Variants in SPIDR observed in about 807,000 individuals in gnomAD.
The protein encoded by SPIDR is scaffold protein involved in DNA repair.
SPIDR carries 93 observed loss-of-function variants against 104.6 expected under a neutral mutation model. That is an observed-to-expected ratio of 0.89 (90% CI 0.75 to 1.06). The LOEUF is 1.06. SPIDR is among the 50% of genes least tolerant of loss of function. The pLI, the probability that SPIDR is intolerant of heterozygous loss-of-function variation, is 0.00. For synonymous variants in SPIDR, 431 were observed against 416.9 expected, an observed-to-expected ratio of 1.03 and a Z score of -0.41; for missense variants, 1,154 against 1,111.2, an observed-to-expected ratio of 1.04 and a Z score of -0.55.
In SPIDR at chr8:47,324,872, C is replaced by A. The variant is rs117777548; in HGVS notation, c.525+30842C>A. Among the ~76,000 whole-genome samples, 39 of 152,228 alleles carry A rather than the reference C, an allele frequency of 2.6e-4. No homozygotes were observed. The East Asian group carries it at 7.5e-3, about 29-fold the overall frequency. ...CTCACAGTCCTAGAGGCTGGAAGATCGTCTGGGACAAGTCCAGGTGCTGGC... is the reference window on the plus strand; with the variant it reads ...CTCACAGTCCTAGAGGCTGGAAGATAGTCTGGGACAAGTCCAGGTGCTGGC... On this transcript the variant is annotated intron_variant, in intron 5 of 19. Coordinates refer to ENST00000297423, the MANE Select transcript of SPIDR (RefSeq NM_001080394.4).
intron 14 of SPIDR, among the ~76,000 whole-genome samples, chr8:47,708,345 A>G (rs2154486537): frequency 6.6e-6 from 1 of 152,334 alleles, no homozygotes; most frequent in South Asian, 2.1e-4. Context: ...ACACAGGGCT[A>G]TAAAAATTTT....
intron 5 of SPIDR, among the ~76,000 whole-genome samples, chr8:47,391,611 C>G (rs1215195064): frequency 6.6e-6 from 1 of 152,024 alleles, no homozygotes; most frequent in African/African-American, 2.4e-5. Context: ...AGGATTTGCT[C>G]TGTGGGTTAA....
intron 5 of SPIDR, among the ~76,000 whole-genome samples, chr8:47,316,463 C>T (rs963799687): frequency 6.6e-6 from 1 of 152,048 alleles, no homozygotes; most frequent in Admixed American, 6.6e-5. Flanking sequence ...GCTCATATAC[C>T]CACCAGTTGG....
intron 5 of SPIDR, among the ~76,000 whole-genome samples, chr8:47,389,679 A>G (rs1414856368): frequency 8.6e-6 from 1 of 116,616 alleles, no homozygotes; most frequent in East Asian, 2.3e-4. Flanking sequence ...ACAGAGCAAG[A>G]CTCCATCTCA....
intron 9 of SPIDR, among the ~76,000 whole-genome samples, chr8:47,597,358 C>T (rs191594514): frequency 6.6e-6 from 1 of 152,140 alleles, no homozygotes; most frequent in Non-Finnish European, 1.5e-5. Context: ...TAATGCTATC[C>T]CTACCCCTTT....
chr8:47,677,903 G>A (rs1465329452), intron 11 of SPIDR, among the ~76,000 whole-genome samples: 1 of 152,100 alleles, frequency 6.6e-6, no homozygotes, highest in Non-Finnish European at 1.5e-5. Context: ...AAGTAAGAGG[G>A]TTTATTCAAG....
Position 47,394,067 on chromosome 8 carries a change from G to A in SPIDR, c.526-2309G>A, listed in dbSNP as rs138228190. ...GACTACAGGTGTGTGCCACCACACC[G>A]GGCTAATTTTTGTATTTTTAGTAGA... On this transcript the variant is annotated intron_variant, in intron 5 of 19. Transcript: ENST00000297423. Among the ~76,000 whole-genome samples, 469 of 151,998 alleles carry A rather than the reference G, an allele frequency of 3.1e-3. 1 individual carries two copies. The highest frequency in any genetic ancestry group is 0.011 in the African/African-American group (452 of 41,466).
chr8:47,310,884 G>C (rs1246084660), intron 5 of SPIDR, among the ~76,000 whole-genome samples: 1 of 151,962 alleles, frequency 6.6e-6, no homozygotes, highest in African/African-American at 2.4e-5. Context: ...ATCAAATCCA[G>C]AGTTTCTAAA....
In SPIDR at chr8:47,518,660, G is replaced by A. The variant is rs559803288; in HGVS notation, c.1098-77151G>A. ...CTACTTTTTTTTTTTTTTTTGAGACGGAGTCTTGCTCTGTCGCCCAGGCTG... is the reference window on the plus strand; with the variant it reads ...CTACTTTTTTTTTTTTTTTTGAGACAGAGTCTTGCTCTGTCGCCCAGGCTG... On this transcript the variant is annotated intron_variant, in intron 8 of 19. Transcript: ENST00000297423. Among the ~76,000 whole-genome samples, 278 of 149,914 alleles carry A rather than the reference G, an allele frequency of 1.9e-3. 1 individual carries two copies. The highest frequency in any genetic ancestry group is 6.5e-3 in the African/African-American group (266 of 40,666).
At chr8:47,552,109 A>G (rs1465094453) in intron 8 of SPIDR, among the ~76,000 whole-genome samples, 1 of 152,114 alleles carries the variant, frequency 6.6e-6, no homozygotes, top group Non-Finnish European at 1.5e-5. Context: ...CCTGAGTTCT[A>G]GTTTGATTGC....
intron 5 of SPIDR, among the ~76,000 whole-genome samples, chr8:47,352,574 T>C (rs2053742608): frequency 6.6e-6 from 1 of 152,102 alleles, no homozygotes; most frequent in Non-Finnish European, 1.5e-5. Context: ...ATGTTTGTGG[T>C]TTGGATCTTG....
At chr8:47,281,738 T>C (rs2037819195) in intron 2 of SPIDR, among the ~76,000 whole-genome samples, 2 of 152,242 alleles carry the variant, frequency 1.3e-5, no homozygotes, top group Non-Finnish European at 2.9e-5. Context: ...TGGAATCAAC[T>C]TCTTCCAAAC....
chr8:47,395,463 G>A (rs1478123563), intron 5 of SPIDR, among the ~76,000 whole-genome samples: 1 of 152,208 alleles, frequency 6.6e-6, no homozygotes, highest in African/African-American at 2.4e-5. Flanking sequence ...TTTAGGTAGT[G>A]AATTAGATGG....
intron 10 of SPIDR, among the ~76,000 whole-genome samples, chr8:47,618,220 T>A (rs2064616435): frequency 6.6e-6 from 1 of 152,178 alleles, no homozygotes; most frequent in Non-Finnish European, 1.5e-5. Context: ...ATCTCATTCC[T>A]TTATCTTCTG....
chr8:47,664,544 G>C (rs1416269413), intron 10 of SPIDR, among the ~76,000 whole-genome samples: 4 of 152,052 alleles, frequency 2.6e-5, no homozygotes, highest in Admixed American at 2.0e-4. Flanking sequence ...AACAACCAAA[G>C]TGAAAAATTC....
At chr8:47,425,330 T>A (rs1302274527) in intron 7 of SPIDR, among the ~76,000 whole-genome samples, 2 of 152,050 alleles carry the variant, frequency 1.3e-5, no homozygotes, top group East Asian at 3.9e-4. Flanking sequence ...AAAGATACAC[T>A]GTGAATAAGC....
intron 1 of SPIDR, among the ~76,000 whole-genome samples, chr8:47,264,155 G>A (rs1366886750): frequency 2.0e-5 from 3 of 152,168 alleles, no homozygotes; most frequent in Admixed American, 6.5e-5. Flanking sequence ...GATATATCAC[G>A]ACTCTTAAGA....
intron 2 of SPIDR, among the ~76,000 whole-genome samples, chr8:47,283,293 C>T (rs2038175680): frequency 6.6e-6 from 1 of 152,138 alleles, no homozygotes; most frequent in Non-Finnish European, 1.5e-5. Context: ...AAGGAGAAGG[C>T]AAGAGATGGA....
At chr8:47,725,571 C>T (rs2084108051) in intron 16 of SPIDR, among the ~76,000 whole-genome samples, 1 of 152,060 alleles carries the variant, frequency 6.6e-6, no homozygotes, top group African/African-American at 2.4e-5. Context: ...TTTGTATTTT[C>T]AGTAGAGACG....
Sources: allele counts gnomAD v4.1 joint callset (sites outside exome capture counted in the v4.1 genomes callset), GRCh38; gene constraint gnomAD v4.1.1; transcripts MANE v1.5; gene names NCBI Gene and HGNC (gene_info 2026-07-23, HGNC 2026-07-21).